Variants in HYCC2 observed in about 807,000 individuals in gnomAD.
HYCC2 encodes the protein hyccin PI4KA lipid kinase complex subunit 2, also known as hyccin 2.
the HYCC2 span, chr2:201,063,882 A>G: frequency 1.0e-5 from 16 of 1,595,504 alleles, no homozygotes; most frequent in East Asian, 3.3e-4. Context: ...GATTTTGGCA[A>G]TTACAAAAAT....
chr2:200,988,486 G>A, the HYCC2 span: 1 of 1,218,116 alleles, frequency 8.2e-7, no homozygotes, highest in African/African-American at 1.5e-5. Context: ...TATACTACAT[G>A]TGTCCATAAT....
chr2:200,974,804 T>A, the HYCC2 span: 3 of 151,932 alleles, frequency 2.0e-5, no homozygotes, highest in South Asian at 2.1e-4. Context: ...CTATACATTT[T>A]AAAAAAATGA....
the HYCC2 span, among the ~76,000 whole-genome samples, chr2:201,024,566 A>G: frequency 9.2e-5 from 14 of 152,224 alleles, no homozygotes; most frequent in African/African-American, 2.7e-4. Context: ...TATTTTCTCC[A>G]GTAAATACTT....
chr2:201,002,453 T>C, the HYCC2 span, among the ~76,000 whole-genome samples: 1 of 152,034 alleles, frequency 6.6e-6, no homozygotes, highest in Non-Finnish European at 1.5e-5. Flanking sequence ...AAACTACTAG[T>C]AGGACATTCA....
At chr2:201,020,382 TAAA>T in the HYCC2 span, among the ~76,000 whole-genome samples, 77 of 152,234 alleles carry the variant, frequency 5.1e-4, 1 homozygote, top group Admixed American at 2.0e-4. Flanking sequence ...TTGAGTGGGT[TAAA>T]GAATGTGAGG....
the HYCC2 span, among the ~76,000 whole-genome samples, chr2:201,017,667 C>G: frequency 6.6e-6 from 1 of 152,200 alleles, no homozygotes; most frequent in Non-Finnish European, 1.5e-5. Flanking sequence ...GGCAAAGCAA[C>G]TCTGTTTTTC....
the HYCC2 span, among the ~76,000 whole-genome samples, chr2:200,994,245 T>C: frequency 6.6e-6 from 1 of 150,958 alleles, no homozygotes; most frequent in Admixed American, 6.6e-5. Context: ...ATCATTTCCT[T>C]TTTTTTTTGG....
chr2:201,049,979 C>G, the HYCC2 span, among the ~76,000 whole-genome samples: 1 of 152,082 alleles, frequency 6.6e-6, no homozygotes, highest in African/African-American at 2.4e-5. Flanking sequence ...GGATTACAGG[C>G]GTGAGCCACT....
chr2:201,053,505 C>G, the HYCC2 span, among the ~76,000 whole-genome samples: 4,675 of 152,290 alleles, frequency 0.031, 259 homozygotes, highest in African/African-American at 0.11. Context: ...GCTTGCCCTT[C>G]TTTCTACTTT....
At chr2:200,987,395 C>T in the HYCC2 span, 1 of 1,289,762 alleles carries the variant, frequency 7.8e-7, no homozygotes, top group Admixed American at 2.3e-5. Flanking sequence ...GAGTTGGGCT[C>T]CGGCGAGCCA....
At chr2:201,065,341 C>T in the HYCC2 span, among the ~76,000 whole-genome samples, 1 of 152,112 alleles carries the variant, frequency 6.6e-6, no homozygotes, top group African/African-American at 2.4e-5. Flanking sequence ...GTCTATTTAA[C>T]CTGTTGAAGA....
At chr2:201,026,492 C>G in the HYCC2 span, among the ~76,000 whole-genome samples, 3 of 152,186 alleles carry the variant, frequency 2.0e-5, no homozygotes, top group Admixed American at 6.5e-5. Context: ...ACTCTCCACC[C>G]CAAATCAACA....
the HYCC2 span, chr2:200,987,280 A>G: frequency 8.6e-7 from 1 of 1,165,552 alleles, no homozygotes; most frequent in Non-Finnish European, 1.1e-6. Context: ...ATTAGAATGG[A>G]AAGATGCTCT....
At chr2:201,023,356 A>G in the HYCC2 span, among the ~76,000 whole-genome samples, 6 of 152,146 alleles carry the variant, frequency 3.9e-5, no homozygotes, top group East Asian at 3.8e-4. Context: ...CTCAAAAAAA[A>G]AAAGAAAGAA....
the HYCC2 span, among the ~76,000 whole-genome samples, chr2:201,054,752 T>C: frequency 6.6e-6 from 1 of 152,090 alleles, no homozygotes; most frequent in Non-Finnish European, 1.5e-5. Flanking sequence ...CCTAAAAACA[T>C]ATTGGATATA....
At chr2:200,993,814 T>C in the HYCC2 span, among the ~76,000 whole-genome samples, 1 of 150,980 alleles carries the variant, frequency 6.6e-6, no homozygotes. Context: ...ACCCCGTCTC[T>C]ACTAAAAATA....
chr2:201,034,437 T>C, the HYCC2 span, among the ~76,000 whole-genome samples: 8 of 152,292 alleles, frequency 5.3e-5, no homozygotes, highest in African/African-American at 1.7e-4. Flanking sequence ...ACCCCTGCTT[T>C]TTTTTGTTTT....
the HYCC2 span, chr2:201,008,953 T>C: frequency 1.4e-6 from 2 of 1,399,942 alleles, no homozygotes; most frequent in South Asian, 2.3e-5. Flanking sequence ...GTTGTTACTA[T>C]ATACAGTTTT....
chr2:200,987,413 G>C, the HYCC2 span: 2 of 1,289,640 alleles, frequency 1.6e-6, no homozygotes, highest in Non-Finnish European at 2.0e-6. Flanking sequence ...CCATGCTCAG[G>C]GGTCCTGCGC....
Sources: gnomAD v4.1 joint callset for allele counts (sites outside exome capture counted in the v4.1 genomes callset) on GRCh38, gnomAD v4.1.1 for gene constraint, MANE v1.5 for transcripts, NCBI Gene and HGNC (gene_info 2026-07-23, HGNC 2026-07-21) for gene names.